Variants in GRM8 observed in about 807,000 individuals in gnomAD.
GRM8 encodes the protein glutamate metabotropic receptor 8, also known as metabotropic glutamate receptor 8.
GRM8 carries 47 observed loss-of-function variants against 87.2 expected under a neutral mutation model. That is an observed-to-expected ratio of 0.54 (90% CI 0.43 to 0.69). The LOEUF is 0.69. Ranked by LOEUF, GRM8 falls within the 30% of genes least tolerant of loss-of-function variation. The pLI is 0.00. For missense variants in GRM8, 1,019 were observed against 1,139.2 expected, an observed-to-expected ratio of 0.89 and a Z score of 1.52; for synonymous variants, 396 against 404.5, an observed-to-expected ratio of 0.98 and a Z score of 0.25.
At chr7:126,754,664 T>C (rs1816803609) in intron 7 of GRM8, among the ~76,000 whole-genome samples, 2 of 151,938 alleles carry the variant, frequency 1.3e-5, no homozygotes, top group Non-Finnish European at 2.9e-5. Context: ...TTATTTCTTC[T>C]ATTTCTATAT....
At chr7:126,705,840 G>A (rs1050351797) in intron 7 of GRM8, among the ~76,000 whole-genome samples, 12 of 151,932 alleles carry the variant, frequency 7.9e-5, no homozygotes, top group Admixed American at 6.6e-4. Context: ...ATTTATTCAG[G>A]AGCAGCAGTA....
chr7:127,012,728 A>T (rs11563792), intron 3 of GRM8, among the ~76,000 whole-genome samples: 38,717 of 152,062 alleles, frequency 0.25, 5,864 homozygotes, highest in Non-Finnish European at 0.36. Context: ...TTATTTTACC[A>T]TGAAGCTATT....
At chr7:126,824,071 T>C (rs1046758943) in intron 6 of GRM8, among the ~76,000 whole-genome samples, 2 of 152,166 alleles carry the variant, frequency 1.3e-5, no homozygotes, top group Non-Finnish European at 2.9e-5. Context: ...AGTCAATAAA[T>C]ATAGGATATC....
intron 3 of GRM8, among the ~76,000 whole-genome samples, chr7:127,018,712 C>G (rs1436616194): frequency 6.6e-6 from 1 of 151,838 alleles, no homozygotes; most frequent in African/African-American, 2.4e-5. Flanking sequence ...TTTTGCTTTC[C>G]CAATGGTAAC....
chr7:126,980,242 G>A (rs1811385569), intron 3 of GRM8, among the ~76,000 whole-genome samples: 1 of 151,966 alleles, frequency 6.6e-6, no homozygotes, highest in Non-Finnish European at 1.5e-5. Flanking sequence ...AAATAAAACA[G>A]ACATGGCACC....
chr7:126,505,401 C>T (rs1489876626), intron 9 of GRM8, among the ~76,000 whole-genome samples: 1 of 152,070 alleles, frequency 6.6e-6, no homozygotes, highest in Non-Finnish European at 1.5e-5. Context: ...CCCATTTACA[C>T]ATCCCCAATC....
intron 6 of GRM8, among the ~76,000 whole-genome samples, chr7:126,808,766 G>A (rs947899830): frequency 1.3e-5 from 2 of 151,676 alleles, no homozygotes; most frequent in South Asian, 2.1e-4. Context: ...ATGCAAACCA[G>A]AAGAACTATT....
chr7:126,711,303 A>G (rs1381894545), intron 7 of GRM8, among the ~76,000 whole-genome samples: 2 of 152,246 alleles, frequency 1.3e-5, no homozygotes, highest in African/African-American at 2.4e-5. Context: ...GTCCTTGTAT[A>G]TCTTCATCAG....
intron 8 of GRM8, among the ~76,000 whole-genome samples, chr7:126,576,916 T>C (rs1795166154): frequency 6.6e-6 from 1 of 152,214 alleles, no homozygotes; most frequent in Admixed American, 6.5e-5. Context: ...GGTGGTCTTC[T>C]TGTCTTCTTC....
chr7:127,003,606 G>A (rs1344115861), intron 3 of GRM8, among the ~76,000 whole-genome samples: 5 of 151,714 alleles, frequency 3.3e-5, no homozygotes, highest in East Asian at 1.9e-4. Context: ...TAGCTGTGTC[G>A]TGTCAAATAG....
chr7:126,742,311 A>T (rs1369479685), intron 7 of GRM8, among the ~76,000 whole-genome samples: 2 of 152,116 alleles, frequency 1.3e-5, no homozygotes, highest in Non-Finnish European at 2.9e-5. Context: ...GTAGAAAGAC[A>T]TACTGGCTAT....
chr7:126,601,948 T>C (rs1797823463), intron 8 of GRM8, among the ~76,000 whole-genome samples: 1 of 133,298 alleles, frequency 7.5e-6, no homozygotes, highest in Admixed American at 7.7e-5. Flanking sequence ...TAGATCCCAT[T>C]TGTCAATTTT....
At chr7:126,569,939 T>G (rs1184429823) in intron 8 of GRM8, among the ~76,000 whole-genome samples, 1 of 152,148 alleles carries the variant, frequency 6.6e-6, no homozygotes, top group Non-Finnish European at 1.5e-5. Flanking sequence ...CAACGAGGGC[T>G]TGAAGAACAA....
chr7:127,212,410 A>ATTTTTTTTTTTTT (rs144077638), intron 2 of GRM8, among the ~76,000 whole-genome samples: 3 of 97,718 alleles, frequency 3.1e-5, no homozygotes, highest in African/African-American at 4.5e-5. Context: ...ACATGGTGTT[A>ATTTTTTTTTTTTT]TTTTTTTTTT....
chr7:126,481,537 G>A (rs1436377797), intron 9 of GRM8, among the ~76,000 whole-genome samples: 1 of 152,020 alleles, frequency 6.6e-6, no homozygotes, highest in Non-Finnish European at 1.5e-5. Context: ...TATTATTTGT[G>A]TGACAATCTT....
intron 3 of GRM8, among the ~76,000 whole-genome samples, chr7:126,961,780 C>T (rs1352011185): frequency 6.6e-6 from 1 of 152,224 alleles, no homozygotes; most frequent in African/African-American, 2.4e-5. Context: ...CTTATTTCTT[C>T]ACACATTTTT....
chr7:127,193,695 A>G (rs1378063872), intron 2 of GRM8, among the ~76,000 whole-genome samples: 1 of 152,194 alleles, frequency 6.6e-6, no homozygotes, highest in African/African-American at 2.4e-5. Context: ...ACCTTCTCAA[A>G]TGTTACAGAG....
In GRM8 at chr7:126,985,469, T is replaced by C. The variant is rs1357772777; in HGVS notation, c.728-80786A>G. On this transcript the variant is annotated intron_variant, in intron 3 of 10. Coordinates refer to ENST00000339582, the MANE Select transcript of GRM8 (RefSeq NM_000845.3). ...AGATCTGAGAAGCAAAATTACAATTTGAGTTTATTAGTAACTATCTGAGTC... is the reference window on the plus strand; with the variant it reads ...AGATCTGAGAAGCAAAATTACAATTCGAGTTTATTAGTAACTATCTGAGTC... Among the ~76,000 whole-genome samples the C allele has an allele frequency of 3.3e-5, 5 of 152,236 alleles. No individual in the cohort carries two copies. In the East Asian group the frequency reaches 9.6e-4, roughly 29 times the overall value.
At chr7:126,661,983 T>A (rs1393332838) in intron 7 of GRM8, among the ~76,000 whole-genome samples, 1 of 151,986 alleles carries the variant, frequency 6.6e-6, no homozygotes, top group African/African-American at 2.4e-5. Context: ...GATACATGAC[T>A]AAAAAGGTAT....
Sources: allele counts gnomAD v4.1 joint callset (sites outside exome capture counted in the v4.1 genomes callset), GRCh38; gene constraint gnomAD v4.1.1; transcripts MANE v1.5; gene names NCBI Gene and HGNC (gene_info 2026-07-23, HGNC 2026-07-21).